The following CDH12 variants were observed in gnomAD, a reference collection of about 807,000 sequenced individuals.
CDH12 encodes cadherin 12, also known as cadherin-12.
Under a neutral mutation model 74.1 loss-of-function variants are expected in CDH12, and 41 were observed. The observed-to-expected ratio is 0.55, with a 90% CI of 0.43 to 0.72. CDH12 has a LOEUF of 0.72. Ranked by LOEUF, CDH12 falls within the 30% of genes least tolerant of loss-of-function variation. The pLI, the probability that CDH12 is intolerant of heterozygous loss-of-function variation, is 0.00. For synonymous variants in CDH12, 399 were observed against 355.0 expected, an observed-to-expected ratio of 1.12 and a Z score of -1.39; for missense variants, 945 against 977.2, an observed-to-expected ratio of 0.97 and a Z score of 0.44.
At chr5:22,348,797 G>A (rs1452644481) in intron 3 of CDH12, among the ~76,000 whole-genome samples, 2 of 152,114 alleles carry the variant, frequency 1.3e-5, no homozygotes, top group Non-Finnish European at 2.9e-5. Flanking sequence ...GCACTCATTG[G>A]TGACATAGAA....
chr5:22,703,223 C>A (rs1742811964), intron 1 of CDH12, among the ~76,000 whole-genome samples: 1 of 152,202 alleles, frequency 6.6e-6, no homozygotes, highest in South Asian at 2.1e-4. Context: ...AACAATAGAC[C>A]TTGTGCTATC....
At chr5:22,746,097 T>C (rs1404858017) in intron 1 of CDH12, among the ~76,000 whole-genome samples, 2 of 152,182 alleles carry the variant, frequency 1.3e-5, no homozygotes, top group African/African-American at 4.8e-5. Flanking sequence ...AAAAAATATT[T>C]TAATATTTGG....
intron 5 of CDH12, among the ~76,000 whole-genome samples, chr5:22,012,335 C>T (rs1223795089): frequency 1.3e-5 from 2 of 150,550 alleles, no homozygotes; most frequent in African/African-American, 5.0e-5. Context: ...TTAAAAAAAA[C>T]ATTACAATAG....
chr5:22,632,987 A>T (rs558497467), intron 1 of CDH12, among the ~76,000 whole-genome samples: 1 of 152,320 alleles, frequency 6.6e-6, no homozygotes, highest in East Asian at 1.9e-4. Flanking sequence ...ACATACAGGG[A>T]ATCCTCAATG....
chr5:22,474,466 G>C (rs1176216814), intron 2 of CDH12, among the ~76,000 whole-genome samples: 1 of 152,128 alleles, frequency 6.6e-6, no homozygotes, highest in African/African-American at 2.4e-5. Context: ...GGATAACTGA[G>C]TGGTCAAATA....
At chr5:22,078,320 C>T (rs1389286681) in intron 5 of CDH12, 126 bp downstream of exon 5, 3 of 770,052 alleles carry the variant, frequency 3.9e-6, no homozygotes, top group East Asian at 2.7e-5. Flanking sequence ...AACCAGGTCT[C>T]TTGGATTTCA....
At chr5:22,754,012 C>G (rs544962037) in intron 1 of CDH12, among the ~76,000 whole-genome samples, 1 of 152,244 alleles carries the variant, frequency 6.6e-6, no homozygotes, top group Admixed American at 6.5e-5. Flanking sequence ...TGTTATTAAG[C>G]AGTCCATAAG....
At chr5:22,807,922 ACATT>A (rs1410337930) in intron 1 of CDH12, among the ~76,000 whole-genome samples, 9 of 152,210 alleles carry the variant, frequency 5.9e-5, no homozygotes, top group Non-Finnish European at 1.2e-4. Flanking sequence ...CACTTATGGG[ACATT>A]CAATTTGTAA....
chr5:22,662,171 G>T (rs1409302148), intron 1 of CDH12, among the ~76,000 whole-genome samples: 3 of 152,104 alleles, frequency 2.0e-5, no homozygotes, highest in Admixed American at 6.6e-5. Flanking sequence ...TCTGGTTTAA[G>T]AAATGAGATA....
At chr5:21,913,871 T>C (rs1753971820) in intron 6 of CDH12, among the ~76,000 whole-genome samples, 1 of 152,014 alleles carries the variant, frequency 6.6e-6, no homozygotes, top group Non-Finnish European at 1.5e-5. Flanking sequence ...TTTGGAGAGA[T>C]AGGAGTCTCA....
intron 1 of CDH12, among the ~76,000 whole-genome samples, chr5:22,830,005 TA>T (rs1246045805): frequency 6.6e-6 from 1 of 152,210 alleles, no homozygotes; most frequent in African/African-American, 2.4e-5. Context: ...TTAGGTTATA[TA>T]ATATTTTCAT....
chr5:22,727,411 T>C (rs1273521683), intron 1 of CDH12, among the ~76,000 whole-genome samples: 3 of 151,798 alleles, frequency 2.0e-5, no homozygotes, highest in African/African-American at 7.2e-5. Flanking sequence ...GTGGGTTTTT[T>C]TGGTATTGTA....
intron 1 of CDH12, among the ~76,000 whole-genome samples, chr5:22,707,784 AC>A (rs1743092678): frequency 6.6e-6 from 1 of 152,148 alleles, no homozygotes; most frequent in African/African-American, 2.4e-5. Flanking sequence ...TTTGTGCTAC[AC>A]ATATTTGATG....
At chr5:22,662,377 A>G (rs1561560107) in intron 1 of CDH12, among the ~76,000 whole-genome samples, 3 of 152,162 alleles carry the variant, frequency 2.0e-5, no homozygotes, top group Admixed American at 6.5e-5. Flanking sequence ...GGACAACTTC[A>G]TATGAAAGAA....
intron 10 of CDH12, among the ~76,000 whole-genome samples, chr5:21,785,257 C>A (rs375364948): frequency 2.1e-3 from 316 of 152,232 alleles, no homozygotes; most frequent in Non-Finnish European, 3.5e-3. Flanking sequence ...ACCAGCTATT[C>A]CCCCATCTGT....
intron 8 of CDH12, among the ~76,000 whole-genome samples, chr5:21,822,489 G>A (rs976492279): frequency 2.6e-5 from 4 of 152,032 alleles, no homozygotes; most frequent in Non-Finnish European, 5.9e-5. Context: ...TTAAAAGCCT[G>A]AGGCTGTATT....
intron 1 of CDH12, among the ~76,000 whole-genome samples, chr5:22,778,014 A>G (rs1420879838): frequency 6.6e-6 from 1 of 152,092 alleles, no homozygotes; most frequent in Non-Finnish European, 1.5e-5. Context: ...CCTGTTGGCC[A>G]GGCTGGCCTC....
chr5:22,478,222 TC>T (rs952677911), intron 2 of CDH12, among the ~76,000 whole-genome samples: 12 of 151,856 alleles, frequency 7.9e-5, no homozygotes, highest in African/African-American at 2.7e-4. Flanking sequence ...ATCGAGACCA[TC>T]CTGGCTAACA....
At chr5:22,213,701 T>G (rs577740638) in intron 3 of CDH12, 1 of 152,242 alleles carries the variant, frequency 6.6e-6, no homozygotes, top group African/African-American at 2.4e-5. Flanking sequence ...GGTTAATTTT[T>G]GACAGCTCTC....
Sources: gnomAD v4.1 joint callset for allele counts (sites outside exome capture counted in the v4.1 genomes callset) on GRCh38, gnomAD v4.1.1 for gene constraint, MANE v1.5 for transcripts, NCBI Gene and HGNC (gene_info 2026-07-23, HGNC 2026-07-21) for gene names.